CCSER1: variants seen among roughly 807,000 people sequenced by gnomAD.
The protein encoded by CCSER1 is coiled-coil serine rich protein 1.
CCSER1 carries 41 observed loss-of-function variants against 82.0 expected under a neutral mutation model. The observed-to-expected ratio is 0.50, with a 90% CI of 0.39 to 0.65. The LOEUF (loss-of-function observed/expected upper bound fraction) is 0.65. Ranked by LOEUF, CCSER1 falls within the 30% of genes least tolerant of loss-of-function variation. The pLI is 0.00. For synonymous variants in CCSER1, 414 were observed against 383.9 expected, an observed-to-expected ratio of 1.08 and a Z score of -0.92; for missense variants, 1,119 against 1,064.2, an observed-to-expected ratio of 1.05 and a Z score of -0.72.
At chr4:91,341,084 G>A (rs575427434) in intron 10 of CCSER1, among the ~76,000 whole-genome samples, 1 of 152,176 alleles carries the variant, frequency 6.6e-6, no homozygotes, top group Non-Finnish European at 1.5e-5. Flanking sequence ...ATCTCAGAGG[G>A]GCAGGCTATG....
chr4:90,128,192 C>T lies in CCSER1; in HGVS notation c.-42+361C>T, dbSNP rs1001119830. ...AGTTGGCGCAGGCTTCGGGTCGCTC[C>T]CCTTCCTCGCCACTCGCGTCCCGCA... On this transcript the variant is annotated intron_variant, in intron 1 of 10. Transcript: ENST00000509176. 3.9e-5 allele frequency among the ~76,000 whole-genome samples: 6 copies of T among 152,186 alleles called. No homozygotes were observed. In the South Asian group the frequency reaches 6.2e-4, roughly 16 times the overall value.
chr4:90,800,426 T>G lies in CCSER1; in HGVS notation c.2011-15336T>G, dbSNP rs1196995013. Among the ~76,000 whole-genome samples, 4 of 152,122 alleles carry G rather than the reference T, an allele frequency of 2.6e-5. No individual in the cohort carries two copies. The East Asian group carries it at 7.7e-4, about 29-fold the overall frequency. ...TTTTATTTTTTATTTTTTTCATGTG[T>G]AGTTTACATTGTGGGAGGAGACATG... On this transcript the variant is annotated intron_variant, in intron 7 of 10. Coordinates refer to ENST00000509176, the MANE Select transcript of CCSER1 (RefSeq NM_001145065.2).
chr4:90,924,828 G>A (rs1021302668), intron 9 of CCSER1, among the ~76,000 whole-genome samples: 2 of 152,138 alleles, frequency 1.3e-5, no homozygotes, highest in African/African-American at 4.8e-5. Flanking sequence ...CTGGGTTCAA[G>A]TGATTCTCCT....
intron 10 of CCSER1, among the ~76,000 whole-genome samples, chr4:91,441,393 A>AG (rs70965495): frequency 0.54 from 80,056 of 149,110 alleles, 21,622 homozygotes; most frequent in East Asian, 0.84. Flanking sequence ...CAATAGATGC[A>AG]GAAAAGGCCT....
chr4:91,023,769 C>T (rs924100896), intron 9 of CCSER1, among the ~76,000 whole-genome samples: 7 of 152,174 alleles, frequency 4.6e-5, no homozygotes, highest in African/African-American at 1.4e-4. Flanking sequence ...ATGTCTGAAA[C>T]ACCAAAAGCA....
intron 10 of CCSER1, among the ~76,000 whole-genome samples, chr4:91,243,600 G>T (rs1186280418): frequency 6.6e-6 from 1 of 152,064 alleles, no homozygotes; most frequent in East Asian, 1.9e-4. Context: ...CGGGGCACTG[G>T]GTAGAATAGG....
chr4:90,439,112 T>G (rs1192893074), intron 4 of CCSER1, among the ~76,000 whole-genome samples: 2 of 151,984 alleles, frequency 1.3e-5, no homozygotes, highest in Non-Finnish European at 2.9e-5. Flanking sequence ...ACCAAGATGG[T>G]GAAACCCCGT....
At chr4:90,617,399 G>A (rs2148858173) in intron 5 of CCSER1, among the ~76,000 whole-genome samples, 1 of 152,186 alleles carries the variant, frequency 6.6e-6, no homozygotes. Context: ...ACCAATCTGT[G>A]TTTCTGCTGC....
intron 7 of CCSER1, among the ~76,000 whole-genome samples, chr4:90,777,659 C>A (rs1236131577): frequency 1.3e-5 from 2 of 151,930 alleles, no homozygotes; most frequent in East Asian, 1.9e-4. Context: ...ATATTAATAT[C>A]TATTGTATAT....
intron 6 of CCSER1, among the ~76,000 whole-genome samples, chr4:90,639,004 C>A (rs1725983454): frequency 6.6e-6 from 1 of 151,910 alleles, no homozygotes; most frequent in Non-Finnish European, 1.5e-5. Context: ...ATTATTTGGA[C>A]AATTAAGCAA....
At chr4:91,178,095 T>C (rs868169024) in intron 10 of CCSER1, among the ~76,000 whole-genome samples, 1 of 152,216 alleles carries the variant, frequency 6.6e-6, no homozygotes, top group South Asian at 2.1e-4. Flanking sequence ...GAGCAGGTTG[T>C]TCAGTTTCCA....
chr4:90,479,460 T>C (rs890163821), intron 5 of CCSER1, among the ~76,000 whole-genome samples: 8 of 152,164 alleles, frequency 5.3e-5, no homozygotes, highest in African/African-American at 1.7e-4. Context: ...ATGTGCCATG[T>C]TGGTGTGCTG....
At chr4:91,519,643 C>T (rs1760343667) in intron 10 of CCSER1, among the ~76,000 whole-genome samples, 1 of 152,192 alleles carries the variant, frequency 6.6e-6, no homozygotes, top group African/African-American at 2.4e-5. Context: ...CTCCTGATCC[C>T]AGGGTTGCAA....
chr4:90,816,182 C>T (rs1257756628), intron 8 of CCSER1, among the ~76,000 whole-genome samples: 1 of 152,102 alleles, frequency 6.6e-6, no homozygotes, highest in Non-Finnish European at 1.5e-5. Context: ...TAAAGCTATA[C>T]CTAAAGATAC....
chr4:90,993,031 C>A (rs934553910), intron 9 of CCSER1, among the ~76,000 whole-genome samples: 3 of 152,012 alleles, frequency 2.0e-5, no homozygotes, highest in African/African-American at 7.2e-5. Flanking sequence ...CCTAAGTCTC[C>A]TCACTGTAAA....
intron 1 of CCSER1, among the ~76,000 whole-genome samples, chr4:90,195,027 T>C (rs1736336931): frequency 1.3e-5 from 2 of 152,096 alleles, no homozygotes; most frequent in African/African-American, 4.8e-5. Flanking sequence ...AAGTAATAAA[T>C]TAATGAATTA....
intron 10 of CCSER1, among the ~76,000 whole-genome samples, chr4:91,168,087 C>T (rs149878805): frequency 0.015 from 2,128 of 145,222 alleles, 56 homozygotes; most frequent in African/African-American, 0.05. Flanking sequence ...AAGTGAGGAG[C>T]GCCTCTGCCC....
chr4:90,478,288 G>A (rs1765377371), intron 5 of CCSER1, among the ~76,000 whole-genome samples: 1 of 151,980 alleles, frequency 6.6e-6, no homozygotes, highest in Non-Finnish European at 1.5e-5. Flanking sequence ...TATAATATTT[G>A]AACACCTCTA....
At chr4:91,506,386 T>TTTTG (rs1173149621) in intron 10 of CCSER1, among the ~76,000 whole-genome samples, 2 of 152,156 alleles carry the variant, frequency 1.3e-5, no homozygotes, top group Non-Finnish European at 2.9e-5. Flanking sequence ...AGCTTTGTTT[T>TTTTG]TTTGTTTGTT....
Sources: allele counts gnomAD v4.1 joint callset (sites outside exome capture counted in the v4.1 genomes callset), GRCh38; gene constraint gnomAD v4.1.1; transcripts MANE v1.5; gene names NCBI Gene and HGNC (gene_info 2026-07-23, HGNC 2026-07-21).